REDIC1: variants seen among roughly 807,000 people sequenced by gnomAD.
REDIC1 encodes the protein regulator of DNA class I crossover intermediates 1.
At chr12:39,741,655 G>T in the REDIC1 span, among the ~76,000 whole-genome samples, 1 of 152,218 alleles carries the variant, frequency 6.6e-6, no homozygotes, top group African/African-American at 2.4e-5. Flanking sequence ...TTTTAGGGAG[G>T]CAGGAGTTAC....
the REDIC1 span, among the ~76,000 whole-genome samples, chr12:39,794,279 A>G: frequency 2.6e-5 from 4 of 152,096 alleles, no homozygotes. Flanking sequence ...TATTTGAATA[A>G]TATACATTTT....
the REDIC1 span, among the ~76,000 whole-genome samples, chr12:39,649,451 G>A: frequency 1.3e-5 from 2 of 151,646 alleles, no homozygotes; most frequent in African/African-American, 4.8e-5. Context: ...TTATTTTAAG[G>A]GATAAAGTTT....
At chr12:39,841,076 G>C in the REDIC1 span, among the ~76,000 whole-genome samples, 1 of 151,964 alleles carries the variant, frequency 6.6e-6, no homozygotes, top group Admixed American at 6.6e-5. Flanking sequence ...CTGTAAAAGA[G>C]TCATATTTCT....
the REDIC1 span, among the ~76,000 whole-genome samples, chr12:39,835,143 A>G: frequency 6.6e-6 from 1 of 152,104 alleles, no homozygotes; most frequent in Non-Finnish European, 1.5e-5. Context: ...CTTTTGGTCT[A>G]TTTTGGTGAA....
At chr12:39,714,483 G>T in the REDIC1 span, among the ~76,000 whole-genome samples, 1 of 151,412 alleles carries the variant, frequency 6.6e-6, no homozygotes, top group Non-Finnish European at 1.5e-5. Context: ...TTTGTTGCAT[G>T]ATTTTGTAAT....
At chr12:39,824,672 C>T in the REDIC1 span, among the ~76,000 whole-genome samples, 1 of 152,136 alleles carries the variant, frequency 6.6e-6, no homozygotes, top group Admixed American at 6.5e-5. Flanking sequence ...AGTGTCAGCC[C>T]TGTGAGGTGT....
chr12:39,745,034 G>T, the REDIC1 span, among the ~76,000 whole-genome samples: 1 of 152,166 alleles, frequency 6.6e-6, no homozygotes, highest in Non-Finnish European at 1.5e-5. Flanking sequence ...AGCTGAACTA[G>T]CTATATTAAT....
the REDIC1 span, among the ~76,000 whole-genome samples, chr12:39,736,247 T>C: frequency 6.6e-6 from 1 of 152,214 alleles, no homozygotes; most frequent in Non-Finnish European, 1.5e-5. Context: ...TGTATCTTTC[T>C]TTTGCCTTTA....
chr12:39,900,235 T>C, the REDIC1 span, among the ~76,000 whole-genome samples: 2 of 152,058 alleles, frequency 1.3e-5, no homozygotes, highest in Non-Finnish European at 2.9e-5. Context: ...GCCAATATCA[T>C]ACTGAATGGG....
the REDIC1 span, among the ~76,000 whole-genome samples, chr12:39,808,256 T>C: frequency 6.6e-6 from 1 of 152,168 alleles, no homozygotes; most frequent in Non-Finnish European, 1.5e-5. Flanking sequence ...TCTGAAATTG[T>C]ACCAGGTTAC....
chr12:39,844,841 A>C, the REDIC1 span, among the ~76,000 whole-genome samples: 1 of 152,072 alleles, frequency 6.6e-6, no homozygotes. Context: ...TAGTTTCTTA[A>C]GTAGTTAATT....
At chr12:39,874,338 G>A in the REDIC1 span, among the ~76,000 whole-genome samples, 1 of 152,100 alleles carries the variant, frequency 6.6e-6, no homozygotes, top group Non-Finnish European at 1.5e-5. Flanking sequence ...GAGGGGCCGG[G>A]CACGGTGGCT....
chr12:39,688,811 G>A, the REDIC1 span, among the ~76,000 whole-genome samples: 1 of 152,272 alleles, frequency 6.6e-6, no homozygotes, highest in African/African-American at 2.4e-5. Context: ...GGTGATTGGT[G>A]ATTAGTTAAG....
At chr12:39,666,553 T>C in the REDIC1 span, among the ~76,000 whole-genome samples, 1 of 152,214 alleles carries the variant, frequency 6.6e-6, no homozygotes, top group Admixed American at 6.5e-5. Context: ...TCTGCCCGGC[T>C]TTGGTATCAG....
the REDIC1 span, chr12:39,721,304 ACAGTAAATGTTGAAAATTT>A: frequency 8.3e-6 from 12 of 1,450,786 alleles, no homozygotes; most frequent in Non-Finnish European, 1.1e-5. Context: ...TTAGAAAACA[ACAGTAAATGTTGAAAATTT>A]CATTAACATG....
At chr12:39,882,726 A>C in the REDIC1 span, among the ~76,000 whole-genome samples, 1 of 152,174 alleles carries the variant, frequency 6.6e-6, no homozygotes, top group Non-Finnish European at 1.5e-5. Flanking sequence ...ACATTGATTC[A>C]CAAATCTCAA....
At chr12:39,749,777 A>G in the REDIC1 span, among the ~76,000 whole-genome samples, 1 of 152,228 alleles carries the variant, frequency 6.6e-6, no homozygotes, top group East Asian at 1.9e-4. Flanking sequence ...GGAAATCAAT[A>G]AAAGTAATCC....
the REDIC1 span, among the ~76,000 whole-genome samples, chr12:39,895,861 TATATGCACACAC>T: frequency 1.4e-5 from 2 of 142,662 alleles, 1 homozygote; most frequent in Non-Finnish European, 3.0e-5. Context: ...TATATGCGTG[TATATGCACACAC>T]ATATGTATAT....
the REDIC1 span, among the ~76,000 whole-genome samples, chr12:39,896,328 GTA>G: frequency 2.2e-5 from 3 of 138,780 alleles, no homozygotes; most frequent in Admixed American, 1.5e-4. Context: ...ATGTATATGT[GTA>G]TATATGTATA....
Sources: gnomAD v4.1 joint callset for allele counts (sites outside exome capture counted in the v4.1 genomes callset) on GRCh38, gnomAD v4.1.1 for gene constraint, MANE v1.5 for transcripts, NCBI Gene and HGNC (gene_info 2026-07-23, HGNC 2026-07-21) for gene names.